The following HGH1 variants were observed in gnomAD, a reference collection of about 807,000 sequenced individuals.
The protein encoded by HGH1 is co-chaperone protein HGH1 homolog.
In HGH1, 31 loss-of-function variants were observed where a neutral mutation model predicts 31.7. That is an observed-to-expected ratio of 0.98 (90% CI 0.73 to 1.32). The LOEUF (loss-of-function observed/expected upper bound fraction) is 1.32, where lower values mean the gene tolerates loss of function less well. Among genes scored for constraint, HGH1 ranks in the 40% most tolerant of loss-of-function variants. HGH1 has a pLI of 0.00. For missense variants in HGH1, 618 were observed against 594.4 expected (o/e 1.04, Z -0.41); for synonymous variants, 284 against 293.6 (o/e 0.97, Z 0.34).
chr8:144,138,393 C>T lies in HGH1; in HGVS notation c.558C>T (p.Arg186=). The T allele has an allele frequency of 6.3e-7, 1 of 1,587,270 alleles. No individual in the cohort carries two copies. Among genetic ancestry groups the T allele is most frequent in the Admixed American group, 1.7e-5 (1 of 58,960 alleles). ...LAPLLSNLSQ[R]PAARAFLLDP... is the part of the protein sequence containing the mutation. ...CGCTGCTCTCCAACCTCAGCCAACGCCCTGCGGCGCGGGCCTTCCTACTGG... is the reference window on the plus strand; with the variant it reads ...CGCTGCTCTCCAACCTCAGCCAACGTCCTGCGGCGCGGGCCTTCCTACTGG... Residue 186 remains arginine, a synonymous_variant, in exon 1 of 6, where the codon CGC becomes CGT. Coordinates refer to ENST00000347708, the MANE Select transcript of HGH1 (RefSeq NM_016458.4).
rs1815163051 is a variant in HGH1, at chr8:144,139,836, G to A, written c.*284G>A. 1 of 572,890 alleles carries A rather than the reference G, an allele frequency of 1.7e-6. No individual in the cohort carries two copies. 35.5% of individuals were successfully genotyped at this position (572,890 alleles called of 1,614,324 possible). On this transcript the variant is annotated 3_prime_UTR_variant, in exon 6 of 6. Coordinates refer to ENST00000347708, the MANE Select transcript of HGH1 (RefSeq NM_016458.4). ...GTGGAGGTGGCAGGCGGATGGCCAG[G>A]GAGCCATGAGAAGACTCTTCCTGGG...
chr8:144,139,580 G>A lies in HGH1; in HGVS notation c.*28G>A. On this transcript the variant is annotated 3_prime_UTR_variant, in exon 6 of 6. Coordinates refer to ENST00000347708, the MANE Select transcript of HGH1 (RefSeq NM_016458.4). ...CCCCTGCAGCCGGACACCAGCTCCAGGGTCCCCTTTGCCAGGCTTTCTCAG... is the reference window on the plus strand; with the variant it reads ...CCCCTGCAGCCGGACACCAGCTCCAAGGTCCCCTTTGCCAGGCTTTCTCAG... 1 of 1,549,316 alleles carries A rather than the reference G, an allele frequency of 6.5e-7. No individual in the cohort carries two copies. The highest frequency in any genetic ancestry group is 2.3e-4 in the Middle Eastern group (1 of 4,364).
In HGH1 at chr8:144,139,406, C is replaced by T. The variant is rs1815154439; in HGVS notation, c.1027C>T (p.Pro343Ser). 3 of 1,612,672 alleles carry T rather than the reference C, an allele frequency of 1.9e-6. No homozygotes were observed. Among genetic ancestry groups the T allele is most frequent in the East Asian group, 2.2e-5 (1 of 44,858 alleles). The change falls in exon 6 of 6, where the codon CCT (proline) becomes TCT (serine). Residue 343 changes from proline (P) to serine (S), a missense_variant. Physicochemically the swap from Pro to Ser is moderately conservative, Grantham distance 74 (BLOSUM62 -1). Coordinates refer to ENST00000347708, the MANE Select transcript of HGH1 (RefSeq NM_016458.4). The stretch of plus-strand genomic sequence containing the variant: ...CTGGCAGGTGCTTATTGGGGACGAG[C>T]CTGAACGTGGCATGGAAAACCTGCT... ...KLIQVLIGDEPERGMENLLEV... is the reference protein window; with the variant it reads ...KLIQVLIGDESERGMENLLEV...
At position 144,139,246 on chromosome 8, in the gene HGH1, C is replaced by G. The variant is rs1487911460; in HGVS notation, c.943C>G (p.Leu315Val). 1 of 1,613,862 alleles carries G rather than the reference C, an allele frequency of 6.2e-7. No homozygotes were observed. The highest frequency in any genetic ancestry group is 8.5e-7 in the Non-Finnish European group (1 of 1,179,872). The change falls in exon 5 of 6, where the codon CTT becomes GTT. Residue 315 changes from leucine (L) to valine (V), a missense_variant. Leu to Val is a conservative substitution (Grantham distance 32, BLOSUM62 1). Coordinates refer to ENST00000347708, the MANE Select transcript of HGH1 (RefSeq NM_016458.4). Reference protein sequence around the residue: ...QVRDQGAYLILRELHSWEPEP... With the variant: ...QVRDQGAYLIVRELHSWEPEP... ...GCGGGACCAGGGAGCCTACCTGATC[C>G]TTCGAGAGCTGCACAGCTGGGAGCC...
chr8:144,139,254 G>C lies in HGH1; in HGVS notation c.951G>C (p.Glu317Asp). 1 of 1,614,040 alleles carries C rather than the reference G, an allele frequency of 6.2e-7. No individual in the cohort carries two copies. Among genetic ancestry groups the C allele is most frequent in the Admixed American group, 1.7e-5 (1 of 60,024 alleles). Residue 317 changes from glutamate (E) to aspartate (D), a missense_variant, in exon 5 of 6, where the codon GAG (glutamate) becomes GAC (aspartate). Coordinates refer to ENST00000347708, the MANE Select transcript of HGH1 (RefSeq NM_016458.4). ...AGGGAGCCTACCTGATCCTTCGAGAGCTGCACAGCTGGGAGCCGGAGCCCG... is the reference window on the plus strand; with the variant it reads ...AGGGAGCCTACCTGATCCTTCGAGACCTGCACAGCTGGGAGCCGGAGCCCG... ...RDQGAYLILRELHSWEPEPDV... is the reference protein window; with the variant it reads ...RDQGAYLILRDLHSWEPEPDV...
Position 144,139,441 on chromosome 8 carries a change from G to C in HGH1, c.1062G>C (p.Gln354His). 6.2e-7 allele frequency: 1 copy of C among 1,602,438 alleles called. No homozygotes were observed. Among genetic ancestry groups the C allele is most frequent in the Non-Finnish European group, 8.5e-7 (1 of 1,174,580 alleles). Residue 354 changes from glutamine to histidine, a missense_variant, in exon 6 of 6, where the codon CAG (glutamine) becomes CAC (histidine). Coordinates refer to ENST00000347708, the MANE Select transcript of HGH1 (RefSeq NM_016458.4). ...GCATGGAAAACCTGCTGGAGGTGCA[G>C]GTGCCTGAGGATGTGGAGCAGCAGC... ...ERGMENLLEV[Q>H]VPEDVEQQLQ...
At position 144,138,103 on chromosome 8, in the gene HGH1, G is replaced by A; in HGVS notation, c.268G>A (p.Ala90Thr). Residue 90 changes from alanine to threonine, a missense_variant, in exon 1 of 6, where the codon GCC becomes ACC. Transcript: ENST00000347708. Reference sequence around the variant, plus strand: ...CGCCCGCGCGCTCGTGAACTTGGCCGCCGACCCCGGCCTGCACGAGACATT... The same window carrying A: ...CGCCCGCGCGCTCGTGAACTTGGCCACCGACCCCGGCCTGCACGAGACATT... ...DAARALVNLA[A>T]DPGLHETLLA... 7.5e-7 allele frequency: 1 copy of A among 1,328,072 alleles called. No homozygotes were observed. The highest frequency in any genetic ancestry group is 9.7e-7 in the Non-Finnish European group (1 of 1,035,128). The allele number at this position is 1,328,072 out of a possible 1,614,324, so 82.3% of individuals were successfully genotyped here.
chr8:144,138,988 C>T (rs1377841773), intron 3 of HGH1, 21 bp from the exon 4 acceptor site: 5 of 1,611,676 alleles, frequency 3.1e-6, no homozygotes, highest in Non-Finnish European at 4.2e-6. Flanking sequence ...GACACAGTGG[C>T]TCCCACACAC....
At position 144,138,237 on chromosome 8, in the gene HGH1, G is replaced by A. The variant is rs1815123387; in HGVS notation, c.402G>A (p.Glu134=). The A allele has an allele frequency of 1.5e-5, 21 of 1,388,876 alleles. No homozygotes were observed. The South Asian group carries it at 2.1e-4, about 14-fold the overall frequency. 86.0% of individuals were successfully genotyped at this position (1,388,876 alleles called of 1,614,324 possible). A position where few individuals can be genotyped will look rare whatever the true frequency, so the allele number is the denominator to read the frequency against. The change falls in exon 1 of 6, where the codon GAG becomes GAA. Residue 134 remains glutamate (E), a synonymous_variant. Coordinates refer to ENST00000347708, the MANE Select transcript of HGH1 (RefSeq NM_016458.4). ...CCGCGCTAGCCAACCTCAGTCGCGA[G>A]CCGGCGCCGTGTGCAGCGCTCATGG... is the stretch of plus-strand genomic sequence containing the variant. ...AAAALANLSR[E]PAPCAALMAA... is the part of the protein sequence containing the mutation.
In HGH1 at chr8:144,137,954, C is replaced by G. The variant is rs1421071302; in HGVS notation, c.119C>G (p.Ala40Gly). ...GGCGCGCGGGCGGACCTGCAGGCGG[C>G]GGCGGTGCGGCACGTGCTGGCGCTG... The part of the protein sequence containing the change: ...APGARADLQA[A>G]AVRHVLALTG... Residue 40 changes from alanine to glycine, a missense_variant, in exon 1 of 6, where the codon GCG (alanine) becomes GGG (glycine). Coordinates refer to ENST00000347708, the MANE Select transcript of HGH1 (RefSeq NM_016458.4). 2.3e-6 allele frequency: 3 copies of G among 1,331,336 alleles called. No homozygotes were observed. Among genetic ancestry groups the G allele is most frequent in the Non-Finnish European group, 2.9e-6 (3 of 1,043,566 alleles). 82.5% of individuals were successfully genotyped at this position (1,331,336 alleles called of 1,614,324 possible). A position where few individuals can be genotyped will look rare whatever the true frequency, so the allele number is the denominator to read the frequency against.
Position 144,138,156 on chromosome 8 carries a change from G to T in HGH1, c.321G>T (p.Ala107=). ...TLLAADPGLP[A]RLMGRALDPQ... ...TGGCGGCCGACCCCGGGCTGCCAGC[G>T]CGCCTGATGGGCCGCGCGTTGGACC... Residue 107 remains alanine, a synonymous_variant, in exon 1 of 6, where the codon GCG becomes GCT. Transcript: ENST00000347708. The T allele has an allele frequency of 7.7e-7, 1 of 1,305,202 alleles. No homozygotes were observed. The highest frequency in any genetic ancestry group is 2.1e-5 in the South Asian group (1 of 48,690). 80.9% of individuals were successfully genotyped at this position (1,305,202 alleles called of 1,614,324 possible).
rs1815165873 is a variant in HGH1 at position 144,139,993 on chromosome 8, C to G, written c.*441C>G. 3.7e-6 allele frequency: 1 copy of G among 269,880 alleles called. No individual in the cohort carries two copies. Among genetic ancestry groups the G allele is most frequent in the African/African-American group, 2.2e-5 (1 of 45,014 alleles). 16.7% of individuals were successfully genotyped at this position (269,880 alleles called of 1,614,324 possible). A position where few individuals can be genotyped will look rare whatever the true frequency, so the allele number is the denominator to read the frequency against. The stretch of plus-strand genomic sequence containing the variant: ...TACAAGTGCTGCTTTGTCAGCCTCA[C>G]TCCCTGCAGCTCTCAGCTCCCTGTT... On this transcript the variant is annotated 3_prime_UTR_variant, in exon 6 of 6. Transcript: ENST00000347708.
Position 144,139,843 on chromosome 8 carries a change from T to C in HGH1, c.*291T>C, listed in dbSNP as rs919885086. 40 of 561,196 alleles carry C rather than the reference T, an allele frequency of 7.1e-5. No homozygotes were observed. Among genetic ancestry groups the C allele is most frequent in the Admixed American group, 3.1e-5 (1 of 32,176 alleles). The allele number at this position is 561,196 out of a possible 1,614,324, so 34.8% of individuals were successfully genotyped here. On this transcript the variant is annotated 3_prime_UTR_variant, in exon 6 of 6. Coordinates refer to ENST00000347708, the MANE Select transcript of HGH1 (RefSeq NM_016458.4). ...TGGCAGGCGGATGGCCAGGGAGCCATGAGAAGACTCTTCCTGGGCACGGCG... is the reference window on the plus strand; with the variant it reads ...TGGCAGGCGGATGGCCAGGGAGCCACGAGAAGACTCTTCCTGGGCACGGCG...
chr8:144,137,916 C>A lies in HGH1; in HGVS notation c.81C>A (p.Pro27=). 1 of 1,323,572 alleles carries A rather than the reference C, an allele frequency of 7.6e-7. No homozygotes were observed. Among genetic ancestry groups the A allele is most frequent in the Non-Finnish European group, 9.6e-7 (1 of 1,040,346 alleles). 82.0% of individuals were successfully genotyped at this position (1,323,572 alleles called of 1,614,324 possible). The part of the protein sequence containing the change: ...SPEAEVVKLL[P]FLAPGARADL... ...AGGCAGAGGTGGTGAAGCTGCTGCCCTTCCTGGCGCCGGGCGCGCGGGCGG... is the reference window on the plus strand; with the variant it reads ...AGGCAGAGGTGGTGAAGCTGCTGCCATTCCTGGCGCCGGGCGCGCGGGCGG... The change falls in exon 1 of 6, where the codon CCC becomes CCA. Residue 27 remains proline (P), a synonymous_variant. Transcript: ENST00000347708.
Position 144,140,017 on chromosome 8 carries a change from T to G in HGH1, c.*465T>G. On this transcript the variant is annotated 3_prime_UTR_variant, in exon 6 of 6. Transcript: ENST00000347708. ...ACTCCCTGCAGCTCTCAGCTCCCTG[T>G]TCCCTGAGACCTGGCCTCAAAGGGC... is the stretch of plus-strand genomic sequence containing the variant. The G allele has an allele frequency of 4.1e-6, 1 of 246,668 alleles. No homozygotes were observed. Among genetic ancestry groups the G allele is most frequent in the Non-Finnish European group, 8.0e-6 (1 of 125,370 alleles). 15.3% of individuals were successfully genotyped at this position (246,668 alleles called of 1,614,324 possible).
chr8:144,139,208 G>A lies in HGH1; in HGVS notation c.905G>A (p.Gly302Asp). 6.2e-7 allele frequency: 1 copy of A among 1,613,998 alleles called. No individual in the cohort carries two copies. The highest frequency in any genetic ancestry group is 8.5e-7 in the Non-Finnish European group (1 of 1,179,866). The change falls in exon 5 of 6, where the codon GGT (glycine) becomes GAT (aspartate). Residue 302 changes from glycine (G) to aspartate (D), a missense_variant. Coordinates refer to ENST00000347708, the MANE Select transcript of HGH1 (RefSeq NM_016458.4). ...CCTCAGCTGACAGCCACAGCACCAGGTCGGCAGCAGGTGCGGGACCAGGGA... is the reference window on the plus strand; with the variant it reads ...CCTCAGCTGACAGCCACAGCACCAGATCGGCAGCAGGTGCGGGACCAGGGA... ...AIMLLTATAP[G>D]RQQVRDQGAY...
rs1815119573 is a variant in HGH1, at chr8:144,138,042, G to A, written c.207G>A (p.Met69Ile). 7.7e-7 allele frequency: 1 copy of A among 1,304,866 alleles called. No homozygotes were observed. The allele number at this position is 1,304,866 out of a possible 1,614,324, so 80.8% of individuals were successfully genotyped here. The change falls in exon 1 of 6, where the codon ATG becomes ATA. Residue 69 changes from methionine to isoleucine, a missense_variant. Met to Ile is a conservative substitution (Grantham distance 10, BLOSUM62 1). Coordinates refer to ENST00000347708, the MANE Select transcript of HGH1 (RefSeq NM_016458.4). ...AGQAALLQAL[M>I]ELAPASAPAR... ...AGGCGGCGCTGCTGCAGGCGCTGAT[G>A]GAGCTGGCGCCGGCCTCTGCCCCGG...
In HGH1 at chr8:144,139,744, C is replaced by A. The variant is rs1023929581; in HGVS notation, c.*192C>A. The A allele has an allele frequency of 1.2e-6, 1 of 813,102 alleles. No individual in the cohort carries two copies. The highest frequency in any genetic ancestry group is 1.9e-6 in the Non-Finnish European group (1 of 529,052). The allele number at this position is 813,102 out of a possible 1,614,324, so 50.4% of individuals were successfully genotyped here. On this transcript the variant is annotated 3_prime_UTR_variant, in exon 6 of 6. Coordinates refer to ENST00000347708, the MANE Select transcript of HGH1 (RefSeq NM_016458.4). ...CAGCCCTGTGCAGTGTTGCTACCAG[C>A]AAGAATGAAGGTTGTGCAGAGCAGT...
rs1815116303 is a variant in HGH1 at position 144,137,924 on chromosome 8, C to A, written c.89C>A (p.Ala30Glu). The change falls in exon 1 of 6, where the codon GCG becomes GAG. Residue 30 changes from alanine to glutamate, a missense_variant. Coordinates refer to ENST00000347708, the MANE Select transcript of HGH1 (RefSeq NM_016458.4). ...GTGGTGAAGCTGCTGCCCTTCCTGG[C>A]GCCGGGCGCGCGGGCGGACCTGCAG... ...AEVVKLLPFLAPGARADLQAA... is the reference protein window; with the variant it reads ...AEVVKLLPFLEPGARADLQAA... 3 of 1,323,136 alleles carry A rather than the reference C, an allele frequency of 2.3e-6. No individual in the cohort carries two copies. Among genetic ancestry groups the A allele is most frequent in the East Asian group, 3.1e-5 (1 of 32,342 alleles). 82.0% of individuals were successfully genotyped at this position (1,323,136 alleles called of 1,614,324 possible). A position where few individuals can be genotyped will look rare whatever the true frequency, so the allele number is the denominator to read the frequency against.
Sources: gnomAD v4.1 joint callset for allele counts on GRCh38, gnomAD v4.1.1 for gene constraint, MANE v1.5 for transcripts, NCBI Gene and HGNC (gene_info 2026-07-23, HGNC 2026-07-21) for gene names.